NEK5: variants seen among roughly 807,000 people sequenced by gnomAD.
NEK5 encodes the protein serine/threonine-protein kinase Nek5.
In NEK5, 88 loss-of-function variants were observed where a neutral mutation model predicts 109.2. That is an observed-to-expected ratio of 0.81 (90% CI 0.68 to 0.96). The LOEUF (loss-of-function observed/expected upper bound fraction) is 0.96. Among genes scored for constraint, NEK5 ranks in the 40% least tolerant of loss-of-function variants. NEK5 has a pLI of 0.00. For synonymous variants in NEK5, 283 were observed against 299.9 expected (o/e 0.94, Z 0.58); for missense variants, 834 against 920.7 (o/e 0.91, Z 1.22).
chr13:52,060,408 G>A (rs1954601939), intron 22 of NEK5, among the ~76,000 whole-genome samples: 1 of 152,070 alleles, frequency 6.6e-6, no homozygotes, highest in South Asian at 2.1e-4. Flanking sequence ...AGGCTGGAGT[G>A]CAATGGCGCC....
chr13:52,090,764 G>T (rs886570539), intron 13 of NEK5, among the ~76,000 whole-genome samples: 1 of 152,132 alleles, frequency 6.6e-6, no homozygotes, highest in East Asian at 1.9e-4. Context: ...GGTGGCTCAT[G>T]CCTGTAATGC....
chr13:52,039,594 T>C (rs1244008372), intron 23 of NEK5, among the ~76,000 whole-genome samples: 1 of 152,216 alleles, frequency 6.6e-6, no homozygotes, highest in African/African-American at 2.4e-5. Context: ...ATTTGCATAT[T>C]GTTTTCTCAT....
intron 22 of NEK5, among the ~76,000 whole-genome samples, chr13:52,057,206 G>C (rs1047835475): frequency 6.6e-6 from 1 of 152,162 alleles, no homozygotes; most frequent in African/African-American, 2.4e-5. Flanking sequence ...AGAAGACATG[G>C]ATAAATTCCT....
Position 52,065,663 on chromosome 13 carries a change from T to C in NEK5, c.1850-54A>G, listed in dbSNP as rs1028181417. 98 of 1,309,152 alleles carry C rather than the reference T, an allele frequency of 7.5e-5. 1 individual carries two copies. In the Admixed American group the frequency reaches 1.7e-3, roughly 23 times the overall value. The allele number at this position is 1,309,152 out of a possible 1,614,324, so 81.1% of individuals were successfully genotyped here. On this transcript the variant is annotated intron_variant, in intron 20 of 23. Transcript: ENST00000684899. ...CGAAAGCAGTCAAAGTGTGACTAAT[T>C]GTCCCAAACACTTCTTAGGAACTCA...
chr13:52,121,028 T>A (rs774949194), intron 3 of NEK5, among the ~76,000 whole-genome samples: 3 of 151,628 alleles, frequency 2.0e-5, no homozygotes, highest in Non-Finnish European at 4.4e-5. Flanking sequence ...AGCAGCAAAA[T>A]GGACACTCAT....
intron 16 of NEK5, among the ~76,000 whole-genome samples, chr13:52,084,158 T>G (rs1337901181): frequency 6.6e-6 from 1 of 152,226 alleles, no homozygotes; most frequent in Non-Finnish European, 1.5e-5. Context: ...TATGATTGTT[T>G]TATACATGTG....
chr13:52,067,899 C>G, intron 20 of NEK5, among the ~76,000 whole-genome samples: 1 of 152,034 alleles, frequency 6.6e-6, no homozygotes, highest in East Asian at 1.9e-4. Flanking sequence ...GCCATATTGG[C>G]CAGGCTAGTC....
At chr13:52,120,220 T>C (rs1955942116) in intron 3 of NEK5, among the ~76,000 whole-genome samples, 1 of 152,144 alleles carries the variant, frequency 6.6e-6, no homozygotes, top group African/African-American at 2.4e-5. Context: ...TGAAGGATCC[T>C]TCAGTAAGTT....
chr13:52,076,187 C>T, intron 17 of NEK5, 44 bp from the exon 18 acceptor site: 2 of 1,062,170 alleles, frequency 1.9e-6, no homozygotes, highest in Non-Finnish European at 2.8e-6. Context: ...TGTATGTTTA[C>T]ATGAGTTGAT....
chr13:52,115,673 AT>A (rs1955843990), intron 4 of NEK5, among the ~76,000 whole-genome samples: 1 of 150,114 alleles, frequency 6.7e-6, no homozygotes, highest in African/African-American at 2.4e-5. Context: ...TAAAATAAGG[AT>A]TTTCCCCCAT....
Position 52,089,258 on chromosome 13 carries a change from C to G in NEK5, c.1264G>C (p.Glu422Gln). The G allele has an allele frequency of 6.3e-7, 1 of 1,595,720 alleles. No individual in the cohort carries two copies. The change falls in exon 14 of 24, where the codon GAG becomes CAG. Residue 422 changes from glutamate (E) to glutamine (Q), a missense_variant. By Grantham distance (29) the Glu-to-Gln change is conservative. Around this residue, in one of 2 missense-constraint regions of NEK5, gnomAD observed 777 missense variants for 824.7 expected, o/e 0.94. Transcript: ENST00000684899. ...GGTATTTTACTTACCAATTGCTTCTCCACTTTCAACTTATATTGTTGAGCT... is the reference window on the plus strand; with the variant it reads ...GGTATTTTACTTACCAATTGCTTCTGCACTTTCAACTTATATTGTTGAGCT... Reference protein sequence around the residue: ...FEAQQYKLKVEKQLGLRPSSA... With the variant: ...FEAQQYKLKVQKQLGLRPSSA...
At chr13:52,060,055 C>A (rs1954598223) in intron 22 of NEK5, among the ~76,000 whole-genome samples, 1 of 151,976 alleles carries the variant, frequency 6.6e-6, no homozygotes, top group African/African-American at 2.4e-5. Flanking sequence ...AACTTTTTCT[C>A]CTCAAGTTTT....
intron 23 of NEK5, among the ~76,000 whole-genome samples, chr13:52,037,663 C>G (rs1404996425): frequency 6.6e-6 from 1 of 152,194 alleles, no homozygotes; most frequent in Non-Finnish European, 1.5e-5. Flanking sequence ...GTGGCTCACG[C>G]CTGTAATCCC....
intron 17 of NEK5, among the ~76,000 whole-genome samples, chr13:52,080,700 C>A (rs534526014): frequency 6.6e-6 from 1 of 151,900 alleles, no homozygotes; most frequent in Admixed American, 6.6e-5. Flanking sequence ...GCAGCATGCT[C>A]GTTAAGAGTC....
At chr13:52,077,251 A>G (rs974078206) in intron 17 of NEK5, among the ~76,000 whole-genome samples, 1 of 152,226 alleles carries the variant, frequency 6.6e-6, no homozygotes, top group Non-Finnish European at 1.5e-5. Flanking sequence ...CTGAAAACGT[A>G]TGCTTTCAGC....
chr13:52,063,686 C>CG (rs1250818690), intron 21 of NEK5, among the ~76,000 whole-genome samples: 1 of 151,786 alleles, frequency 6.6e-6, no homozygotes, highest in Non-Finnish European at 1.5e-5. Flanking sequence ...TGCCCTGCCG[C>CG]CCCGTCTGGG....
intron 23 of NEK5, among the ~76,000 whole-genome samples, chr13:52,045,541 G>A (rs1257843562): frequency 1.1e-4 from 17 of 149,152 alleles, no homozygotes; most frequent in South Asian, 1.1e-3. Context: ...CGAGGCGAGC[G>A]GATCACGAGG....
intron 5 of NEK5, 118 bp from the exon 6 acceptor site, chr13:52,110,695 T>C: frequency 1.7e-6 from 1 of 599,768 alleles, no homozygotes. Context: ...TACACACATA[T>C]AGTGTATGTG....
chr13:52,056,907 C>T (rs1954561187), intron 22 of NEK5, among the ~76,000 whole-genome samples: 1 of 152,054 alleles, frequency 6.6e-6, no homozygotes, highest in Non-Finnish European at 1.5e-5. Flanking sequence ...CAAGAGCAAA[C>T]ACATTCAAAA....
Sources: gnomAD v4.1 joint callset for allele counts (sites outside exome capture counted in the v4.1 genomes callset) on GRCh38, gnomAD v4.1.1 for gene constraint, gnomAD v4.1.1 regional missense constraint, MANE v1.5 for transcripts, NCBI Gene and HGNC (gene_info 2026-07-23, HGNC 2026-07-21) for gene names.